PRKCB: variants seen among roughly 807,000 people sequenced by gnomAD.
PRKCB encodes protein kinase C beta type.
Under a neutral mutation model 81.5 loss-of-function variants are expected in PRKCB, and 13 were observed. The ratio of observed to expected loss-of-function variants is 0.16; its 90% CI spans 0.10 to 0.25. PRKCB has a LOEUF of 0.25. Ranked by LOEUF, PRKCB falls within the 10% of genes least tolerant of loss-of-function variation. The pLI is 1.00. For synonymous variants in PRKCB, 335 were observed against 321.4 expected (o/e 1.04, Z -0.45); for missense variants, 509 against 875.7 (o/e 0.58, Z 5.29).
intron 2 of PRKCB, among the ~76,000 whole-genome samples, chr16:23,911,184 G>A (rs904221892): frequency 8.1e-6 from 1 of 123,476 alleles, no homozygotes; most frequent in African/African-American, 3.1e-5. Flanking sequence ...GGAGCGCAGT[G>A]GCACAATCAC....
intron 8 of PRKCB, among the ~76,000 whole-genome samples, chr16:24,122,832 A>G (rs1966817183): frequency 6.6e-6 from 1 of 152,148 alleles, no homozygotes; most frequent in Non-Finnish European, 1.5e-5. Context: ...TGGCAGCTGC[A>G]GGTCTCCCAC....
intron 11 of PRKCB, among the ~76,000 whole-genome samples, chr16:24,173,670 C>T (rs944666765): frequency 4.6e-5 from 7 of 152,330 alleles, no homozygotes; most frequent in Admixed American, 6.5e-5. Flanking sequence ...AAAGCCCTGC[C>T]CAACCTTTGT....
At chr16:24,142,103 C>T (rs1323146046) in intron 9 of PRKCB, among the ~76,000 whole-genome samples, 1 of 152,040 alleles carries the variant, frequency 6.6e-6, no homozygotes, top group African/African-American at 2.4e-5. Flanking sequence ...GTCATTATTC[C>T]CCTTTTATGG....
At chr16:24,132,058 C>T (rs1596562300) in intron 9 of PRKCB, among the ~76,000 whole-genome samples, 1 of 152,314 alleles carries the variant, frequency 6.6e-6, no homozygotes, top group Admixed American at 6.5e-5. Flanking sequence ...CTTGACCTCC[C>T]TCTACCCTCC....
rs111712238 is a variant in PRKCB, at chr16:24,173,237, C to T, written c.1331+876C>T. On this transcript the variant is annotated intron_variant, in intron 11 of 16. Coordinates refer to ENST00000643927, the MANE Select transcript of PRKCB (RefSeq NM_002738.7). ...TCTGCTGAGTCAATTCCATCCCCTT[C>T]GGTTCAAAAGGCAGCTACAGTCTCT... Among the ~76,000 whole-genome samples, 1,051 of 152,246 alleles carry T rather than the reference C, an allele frequency of 6.9e-3. 8 individuals are homozygous for T. The highest frequency in any genetic ancestry group is 0.012 in the Non-Finnish European group (817 of 68,018).
chr16:24,199,563 C>T (rs1967926142), intron 16 of PRKCB, among the ~76,000 whole-genome samples: 2 of 152,106 alleles, frequency 1.3e-5, no homozygotes, highest in Admixed American at 6.5e-5. Context: ...ACCTAACTCC[C>T]CCAAAGTATC....
chr16:24,194,340 A>C (rs1236050450), intron 16 of PRKCB, among the ~76,000 whole-genome samples: 1 of 151,760 alleles, frequency 6.6e-6, no homozygotes, highest in African/African-American at 2.4e-5. Flanking sequence ...ACAAACAAAC[A>C]AACAAAAAAA....
intron 2 of PRKCB, among the ~76,000 whole-genome samples, chr16:23,902,736 T>C (rs13335973): frequency 0.1 from 1,147 of 11,274 alleles, 270 homozygotes; most frequent in Middle Eastern, 0.23. Flanking sequence ...CTTCCTCCCT[T>C]CCTTCCTTCC....
chr16:24,181,492 T>C (rs1466396796), intron 13 of PRKCB, among the ~76,000 whole-genome samples: 2 of 151,924 alleles, frequency 1.3e-5, no homozygotes, highest in Non-Finnish European at 2.9e-5. Flanking sequence ...CAAGGCCAGG[T>C]GTGGCAGCTC....
intron 2 of PRKCB, among the ~76,000 whole-genome samples, chr16:23,845,363 T>C (rs942286412): frequency 1.3e-5 from 2 of 151,830 alleles, no homozygotes; most frequent in African/African-American, 2.4e-5. Flanking sequence ...GTCAGTGGTC[T>C]GGGAATTAAA....
At chr16:23,881,762 G>A in intron 2 of PRKCB, among the ~76,000 whole-genome samples, 1 of 151,524 alleles carries the variant, frequency 6.6e-6, no homozygotes, top group African/African-American at 2.4e-5. Context: ...ACATTGTTGT[G>A]CAACAGTTAG....
chr16:24,092,734 C>A, intron 5 of PRKCB, 57 bp from the exon 6 acceptor site: 2 of 1,520,086 alleles, frequency 1.3e-6, no homozygotes, highest in Non-Finnish European at 1.8e-6. Flanking sequence ...GCTGTCACTG[C>A]TTGGTGCTTA....
At chr16:24,067,374 G>T (rs996092499) in intron 5 of PRKCB, among the ~76,000 whole-genome samples, 1 of 151,258 alleles carries the variant, frequency 6.6e-6, no homozygotes, top group Non-Finnish European at 1.5e-5. Context: ...ATCATAGCTC[G>T]CTGCAGCCTC....
intron 9 of PRKCB, among the ~76,000 whole-genome samples, chr16:24,141,144 T>A (rs1243973388): frequency 6.6e-6 from 1 of 152,212 alleles, no homozygotes. Context: ...TTGTCTATAT[T>A]TTACCCTGAT....
chr16:24,005,768 C>G (rs1965109278), intron 3 of PRKCB, among the ~76,000 whole-genome samples: 1 of 152,186 alleles, frequency 6.6e-6, no homozygotes, highest in Admixed American at 6.5e-5. Flanking sequence ...ATCTTCAGGG[C>G]AAAGGCTCGC....
intron 2 of PRKCB, among the ~76,000 whole-genome samples, chr16:23,950,132 A>AT (rs34117735): frequency 3.7e-4 from 36 of 97,760 alleles, no homozygotes; most frequent in African/African-American, 1.0e-3. Flanking sequence ...TATGATTTGA[A>AT]TTTTTTTTTT....
chr16:23,905,062 A>ATT (rs1963538786), intron 2 of PRKCB, among the ~76,000 whole-genome samples: 2 of 112,762 alleles, frequency 1.8e-5, no homozygotes, highest in Admixed American at 1.6e-4. Context: ...TTTTTAATAA[A>ATT]AAAAAAATAG....
At chr16:24,095,252 GT>G (rs1162827733) in intron 7 of PRKCB, among the ~76,000 whole-genome samples, 2 of 152,046 alleles carry the variant, frequency 1.3e-5, no homozygotes, top group African/African-American at 2.4e-5. Context: ...GGAGAACAGA[GT>G]TTTTTTATGA....
intron 5 of PRKCB, among the ~76,000 whole-genome samples, chr16:24,083,855 A>G (rs2141894454): frequency 6.6e-6 from 1 of 152,318 alleles, no homozygotes; most frequent in East Asian, 1.9e-4. Flanking sequence ...TAAACACATA[A>G]AATAAATGTT....
Sources: allele counts gnomAD v4.1 joint callset (sites outside exome capture counted in the v4.1 genomes callset), GRCh38; gene constraint gnomAD v4.1.1; transcripts MANE v1.5; gene names NCBI Gene and HGNC (gene_info 2026-07-23, HGNC 2026-07-21).